The following LDB2 variants were observed in gnomAD, a reference collection of about 807,000 sequenced individuals.
The protein encoded by LDB2 is LIM domain-binding protein 2.
LDB2 carries 12 observed loss-of-function variants against 44.3 expected under a neutral mutation model. The observed-to-expected ratio is 0.27, with a 90% CI of 0.17 to 0.44. The LOEUF (loss-of-function observed/expected upper bound fraction) is 0.44, where lower values mean the gene tolerates loss of function less well. LDB2 is among the 20% of genes least tolerant of loss of function. The pLI is 1.00. For missense variants in LDB2, 344 were observed against 473.5 expected (o/e 0.73, Z 2.54); for synonymous variants, 164 against 174.8 (o/e 0.94, Z 0.49).
chr4:16,839,420 C>A lies in LDB2; in HGVS notation c.132+58934G>T, dbSNP rs562925214. ...ACAGATTGACAATTCACAAACTCCCCATTAATCTGTTCATGAGGGATCCAC... is the reference window on the plus strand; with the variant it reads ...ACAGATTGACAATTCACAAACTCCCAATTAATCTGTTCATGAGGGATCCAC... On this transcript the variant is annotated intron_variant, in intron 1 of 7. Coordinates refer to ENST00000304523, the MANE Select transcript of LDB2 (RefSeq NM_001290.5). Among the ~76,000 whole-genome samples the A allele has an allele frequency of 9.2e-5, 14 of 152,270 alleles. No homozygotes were observed. In the South Asian group the frequency reaches 2.9e-3, roughly 32 times the overall value.
At chr4:16,594,811 T>A (rs1321877025) in intron 3 of LDB2, among the ~76,000 whole-genome samples, 1 of 152,212 alleles carries the variant, frequency 6.6e-6, no homozygotes, top group Non-Finnish European at 1.5e-5. Flanking sequence ...CTAAAAGAGA[T>A]AGCTATCATT....
At chr4:16,566,380 C>T (rs143680948) in intron 5 of LDB2, among the ~76,000 whole-genome samples, 6 of 152,024 alleles carry the variant, frequency 3.9e-5, no homozygotes, top group African/African-American at 9.6e-5. Context: ...GAAATGGGCT[C>T]GAATACTTAA....
intron 2 of LDB2, among the ~76,000 whole-genome samples, chr4:16,748,778 TA>T (rs1190187163): frequency 3.3e-5 from 5 of 152,182 alleles, no homozygotes; most frequent in Non-Finnish European, 7.3e-5. Context: ...GCTTTACGTT[TA>T]AAAAATAGTA....
intron 1 of LDB2, among the ~76,000 whole-genome samples, chr4:16,883,761 T>C (rs762895959): frequency 2.0e-5 from 3 of 152,142 alleles, no homozygotes; most frequent in African/African-American, 4.8e-5. Context: ...CAGGTCCCAA[T>C]TGTATCAAGG....
Position 16,505,743 on chromosome 4 carries a change from A to G in LDB2, c.891+2792T>C, listed in dbSNP as rs73798795. The G allele has an allele frequency of 1.6e-3, 2,096 of 1,287,614 alleles. 28 individuals are homozygous for G. The African/African-American group carries it at 0.027, about 16-fold the overall frequency. 79.8% of individuals were successfully genotyped at this position (1,287,614 alleles called of 1,614,324 possible). On this transcript the variant is annotated intron_variant, in intron 7 of 7. Transcript: ENST00000304523. ...GGTCCATATGCCCTCAGCTCCCCAC[A>G]AGGCCAACTTCTGCTCCTTGCTGGA... is the stretch of plus-strand genomic sequence containing the variant.
chr4:16,588,869 C>A (rs771934255), intron 3 of LDB2, 37 bp from the exon 4 acceptor site: 13 of 1,605,756 alleles, frequency 8.1e-6, no homozygotes, highest in Non-Finnish European at 1.1e-5. Flanking sequence ...TCATTACGCA[C>A]TTTGTGAAAG....
At chr4:16,783,384 CA>C (rs1195548968) in intron 1 of LDB2, among the ~76,000 whole-genome samples, 3 of 152,248 alleles carry the variant, frequency 2.0e-5, no homozygotes, top group African/African-American at 2.4e-5. Flanking sequence ...TGCATGTTCT[CA>C]CCAAGGCCCA....
chr4:16,779,746 T>C lies in LDB2; in HGVS notation c.133-20486A>G, dbSNP rs572161601. The stretch of plus-strand genomic sequence containing the variant: ...TTCCCCTTCCCCATGGTCAGTTCAG[T>C]TGACTGAATGCAGTGCTGCTGTCCA... On this transcript the variant is annotated intron_variant, in intron 1 of 7. Coordinates refer to ENST00000304523, the MANE Select transcript of LDB2 (RefSeq NM_001290.5). Among the ~76,000 whole-genome samples the C allele has an allele frequency of 2.0e-5, 3 of 152,340 alleles. 1 individual carries two copies. The highest frequency in any genetic ancestry group is 4.1e-4 in the South Asian group (2 of 4,826).
At chr4:16,724,774 T>A (rs1280783005) in intron 2 of LDB2, among the ~76,000 whole-genome samples, 3 of 152,130 alleles carry the variant, frequency 2.0e-5, no homozygotes, top group East Asian at 3.9e-4. Flanking sequence ...TACTCAAGAC[T>A]CAATAAATGT....
At chr4:16,877,216 G>A (rs1256964769) in intron 1 of LDB2, among the ~76,000 whole-genome samples, 2 of 152,154 alleles carry the variant, frequency 1.3e-5, no homozygotes, top group Non-Finnish European at 2.9e-5. Flanking sequence ...ACTTTCAACT[G>A]GAGCTTCAAG....
intron 1 of LDB2, among the ~76,000 whole-genome samples, chr4:16,864,754 GTC>G (rs1163416958): frequency 6.6e-6 from 1 of 151,958 alleles, no homozygotes; most frequent in East Asian, 1.9e-4. Flanking sequence ...GTGAAACCCT[GTC>G]TCTACTAAAA....
chr4:16,574,088 G>A (rs1034998838), intron 5 of LDB2, among the ~76,000 whole-genome samples: 5 of 152,156 alleles, frequency 3.3e-5, no homozygotes, highest in African/African-American at 9.7e-5. Flanking sequence ...CTATACTCCT[G>A]TTGCTATCAG....
chr4:16,527,761 G>A (rs1279241404), intron 5 of LDB2, among the ~76,000 whole-genome samples: 2 of 152,054 alleles, frequency 1.3e-5, no homozygotes, highest in Non-Finnish European at 2.9e-5. Context: ...ATACTATATT[G>A]TATACTTTAA....
At chr4:16,773,095 G>T (rs752299688) in intron 1 of LDB2, among the ~76,000 whole-genome samples, 1 of 152,148 alleles carries the variant, frequency 6.6e-6, no homozygotes, top group Non-Finnish European at 1.5e-5. Flanking sequence ...ATAACCAAAC[G>T]TAAGTTCTGG....
intron 2 of LDB2, among the ~76,000 whole-genome samples, chr4:16,739,922 T>C (rs1300288294): frequency 1.3e-5 from 2 of 151,464 alleles, no homozygotes; most frequent in African/African-American, 4.8e-5. Flanking sequence ...AGCAACTATT[T>C]TTAATGAAAT....
At chr4:16,743,091 A>T (rs1161571738) in intron 2 of LDB2, among the ~76,000 whole-genome samples, 1 of 152,038 alleles carries the variant, frequency 6.6e-6, no homozygotes, top group South Asian at 2.1e-4. Context: ...GGAGTTCGAG[A>T]CCAGCCTGGC....
At chr4:16,819,086 G>C (rs1423906886) in intron 1 of LDB2, among the ~76,000 whole-genome samples, 1 of 97,236 alleles carries the variant, frequency 1.0e-5, no homozygotes, top group African/African-American at 3.6e-5. Context: ...TTTCAGTTGT[G>C]GTTGCTTGTG....
intron 2 of LDB2, among the ~76,000 whole-genome samples, chr4:16,642,500 G>C (rs1327808233): frequency 6.6e-6 from 1 of 152,104 alleles, no homozygotes; most frequent in African/African-American, 2.4e-5. Flanking sequence ...ATACCAGAAG[G>C]AGATAAATTG....
chr4:16,839,842 A>C (rs1429588369), intron 1 of LDB2, among the ~76,000 whole-genome samples: 1 of 152,160 alleles, frequency 6.6e-6, no homozygotes, highest in African/African-American at 2.4e-5. Flanking sequence ...TGATTTGTAG[A>C]TGAGGAAACT....
Sources: allele counts gnomAD v4.1 joint callset (sites outside exome capture counted in the v4.1 genomes callset), GRCh38; gene constraint gnomAD v4.1.1; transcripts MANE v1.5; gene names NCBI Gene and HGNC (gene_info 2026-07-23, HGNC 2026-07-21).